The following NR2C2 variants were observed in gnomAD, a reference collection of about 807,000 sequenced individuals.
NR2C2 encodes nuclear receptor subfamily 2 group C member 2.
Under a neutral mutation model 62.9 loss-of-function variants are expected in NR2C2, and 6 were observed. That is an observed-to-expected ratio of 0.10 (90% CI 0.05 to 0.19). NR2C2 has a LOEUF of 0.19. Ranked by LOEUF, NR2C2 falls within the 10% of genes least tolerant of loss-of-function variation. The pLI is 1.00. For missense variants in NR2C2, 479 were observed against 762.7 expected (o/e 0.63, Z 4.38); for synonymous variants, 272 against 273.8 (o/e 0.99, Z 0.07).
chr3:15,018,234 T>C (rs2041565764), intron 4 of NR2C2, among the ~76,000 whole-genome samples: 1 of 152,164 alleles, frequency 6.6e-6, no homozygotes, highest in African/African-American at 2.4e-5. Flanking sequence ...CCTAACCTTG[T>C]GATCTGCCTG....
rs773297914 is a variant in NR2C2, at chr3:15,038,151, T to C, written c.1510+14T>C. 1 of 1,600,584 alleles carries C rather than the reference T, an allele frequency of 6.2e-7. No homozygotes were observed. The highest frequency in any genetic ancestry group is 1.1e-5 in the South Asian group (1 of 89,274). On this transcript the variant is annotated intron_variant, in intron 12 of 13. Coordinates refer to ENST00000425241, the MANE Select transcript of NR2C2 (RefSeq NM_001291694.2). ...TCTTTAGCCCCGGTAAGATATGCGG[T>C]GGGGATGCATGACCCCTTTCCACCT...
At chr3:14,962,131 C>G (rs1559529541) in intron 1 of NR2C2, among the ~76,000 whole-genome samples, 4 of 152,220 alleles carry the variant, frequency 2.6e-5, no homozygotes. Flanking sequence ...CAAGCTGTTA[C>G]AACCCTGGAG....
chr3:14,962,204 G>A (rs2039706865), intron 1 of NR2C2, among the ~76,000 whole-genome samples: 1 of 152,208 alleles, frequency 6.6e-6, no homozygotes, highest in Non-Finnish European at 1.5e-5. Context: ...TTTCTAAATT[G>A]AAATGTTTCT....
chr3:15,004,030 C>T (rs780513206), intron 2 of NR2C2, 44 bp downstream of exon 2: 2 of 1,538,636 alleles, frequency 1.3e-6, no homozygotes, highest in Admixed American at 3.7e-5. Context: ...TCCAGAAGAA[C>T]TCTTTCCAAA....
In NR2C2 at chr3:15,041,881, T is replaced by C. The variant is rs1454212212; in HGVS notation, c.1617-953T>C. On this transcript the variant is annotated intron_variant, in intron 13 of 13. Coordinates refer to ENST00000425241, the MANE Select transcript of NR2C2 (RefSeq NM_001291694.2). ...CAAAAAAACAAAAACAAAAAAGCAC[T>C]GTCCAGATACCTACTATTAACATTT... Among the ~76,000 whole-genome samples the C allele has an allele frequency of 2.6e-5, 4 of 152,144 alleles. No individual in the cohort carries two copies. In the East Asian group the frequency reaches 7.7e-4, roughly 29 times the overall value.
In NR2C2 at chr3:15,044,928, A is replaced by G. The variant is rs542363295; in HGVS notation, c.*1920A>G. 2.0e-5 allele frequency: 3 copies of G among 152,384 alleles called. No individual in the cohort carries two copies. In the South Asian group the frequency reaches 6.2e-4, roughly 32 times the overall value. The allele number at this position is 152,384 out of a possible 1,614,324, so 9.4% of individuals were successfully genotyped here. On this transcript the variant is annotated 3_prime_UTR_variant, in exon 14 of 14. Coordinates refer to ENST00000425241, the MANE Select transcript of NR2C2 (RefSeq NM_001291694.2). ...TAAATTCTTGTTTGGATTTAATTAT[A>G]TCATTTTATAATTCTTGCCTTGGCA...
At chr3:15,008,652 G>C (rs1164030261) in intron 2 of NR2C2, among the ~76,000 whole-genome samples, 1 of 152,222 alleles carries the variant, frequency 6.6e-6, no homozygotes, top group African/African-American at 2.4e-5. Flanking sequence ...AACAGAGTGG[G>C]TAACATGGGG....
chr3:15,033,400 A>G (rs1166839311), intron 10 of NR2C2, among the ~76,000 whole-genome samples: 4 of 152,168 alleles, frequency 2.6e-5, no homozygotes, highest in Non-Finnish European at 5.9e-5. Flanking sequence ...CTGGCATGCA[A>G]GGGACTCAGC....
intron 1 of NR2C2, among the ~76,000 whole-genome samples, chr3:14,994,634 G>A (rs1465688383): frequency 1.3e-5 from 2 of 151,212 alleles, no homozygotes; most frequent in Non-Finnish European, 2.9e-5. Flanking sequence ...GTAGAGGTGG[G>A]GTTTCACCAT....
At chr3:15,001,065 C>T (rs771689904) in intron 1 of NR2C2, among the ~76,000 whole-genome samples, 6 of 151,974 alleles carry the variant, frequency 3.9e-5, no homozygotes, top group East Asian at 3.9e-4. Flanking sequence ...GCACCTGCCT[C>T]GGCCTCCCAA....
intron 1 of NR2C2, among the ~76,000 whole-genome samples, chr3:14,994,600 G>A (rs1298366583): frequency 2.6e-5 from 4 of 151,108 alleles, no homozygotes; most frequent in Middle Eastern, 3.4e-3. Flanking sequence ...GCACCACCAC[G>A]CCCAGATAAT....
chr3:15,004,521 A>C lies in NR2C2; in HGVS notation c.72+535A>C, dbSNP rs201993333. On this transcript the variant is annotated intron_variant, in intron 2 of 13. Transcript: ENST00000425241. ...CTTATTACTAATATTGTTATTAACT[A>C]ATCGATATTCACTTATGGGAAGTTG... 253 of 1,581,750 alleles carry C rather than the reference A, an allele frequency of 1.6e-4. No individual in the cohort carries two copies. In the African/African-American group the frequency reaches 3.0e-3, roughly 19 times the overall value.
chr3:14,949,837 G>A (rs1033333165), intron 1 of NR2C2, among the ~76,000 whole-genome samples: 3 of 152,136 alleles, frequency 2.0e-5, no homozygotes, highest in Non-Finnish European at 2.9e-5. Flanking sequence ...AATTCTCTGT[G>A]TGTGAGTTCT....
At chr3:14,988,919 G>GT (rs1185964791) in intron 1 of NR2C2, among the ~76,000 whole-genome samples, 1 of 152,146 alleles carries the variant, frequency 6.6e-6, no homozygotes, top group African/African-American at 2.4e-5. Context: ...TTATAGCAGT[G>GT]TGAATTTATT....
chr3:15,008,946 C>T (rs2041269774), intron 2 of NR2C2, among the ~76,000 whole-genome samples: 1 of 152,134 alleles, frequency 6.6e-6, no homozygotes, highest in South Asian at 2.1e-4. Context: ...CTTGGTCGGG[C>T]GCGGCGGCTA....
intron 1 of NR2C2, among the ~76,000 whole-genome samples, chr3:14,999,281 A>AC (rs139966913): frequency 0.072 from 10,959 of 152,262 alleles, 430 homozygotes; most frequent in Middle Eastern, 0.099. Flanking sequence ...GCACCATTGC[A>AC]CTCCAGCCTG....
At chr3:15,038,574 G>A (rs144973907) in intron 12 of NR2C2, 2 of 165,196 alleles carry the variant, frequency 1.2e-5, no homozygotes, top group South Asian at 3.2e-4. Flanking sequence ...AGGTATGTTC[G>A]CAGGAGATGA....
chr3:15,023,480 C>T (rs2041733683), intron 6 of NR2C2, 133 bp downstream of exon 6: 7 of 1,013,702 alleles, frequency 6.9e-6, no homozygotes, highest in South Asian at 1.5e-5. Context: ...CTAATTCTGC[C>T]CCTTCTGGAG....
Position 15,030,464 on chromosome 3 carries a change from C to G in NR2C2, c.1110+12C>G. The G allele has an allele frequency of 6.4e-7, 1 of 1,557,656 alleles. No homozygotes were observed. The highest frequency in any genetic ancestry group is 8.7e-7 in the Non-Finnish European group (1 of 1,154,740). The stretch of plus-strand genomic sequence containing the variant: ...ACGTCACATTTAAGGTGAGTGAATT[C>G]AGCCTAACCATGTGCCCCCAACCTG... On this transcript the variant is annotated intron_variant, in intron 9 of 13. Coordinates refer to ENST00000425241, the MANE Select transcript of NR2C2 (RefSeq NM_001291694.2).
Sources: allele counts gnomAD v4.1 joint callset (sites outside exome capture counted in the v4.1 genomes callset), GRCh38; gene constraint gnomAD v4.1.1; transcripts MANE v1.5; gene names NCBI Gene and HGNC (gene_info 2026-07-23, HGNC 2026-07-21).